The following TBC1D16 variants were observed in gnomAD, a reference collection of about 807,000 sequenced individuals.
TBC1D16 encodes the protein CTD-2529O21.1.
A neutral mutation model predicts 74.7 loss-of-function variants in TBC1D16; 58 were observed. That is an observed-to-expected ratio of 0.78 (90% CI 0.63 to 0.97). The LOEUF is 0.97. TBC1D16 is among the 50% of genes least tolerant of loss of function. TBC1D16 has a pLI of 0.00. For missense variants in TBC1D16, 1,014 were observed against 1,079.5 expected (o/e 0.94, Z 0.85); for synonymous variants, 493 against 474.7 (o/e 1.04, Z -0.50).
At chr17:79,995,698 T>C (rs919318594) in intron 3 of TBC1D16, among the ~76,000 whole-genome samples, 7 of 151,624 alleles carry the variant, frequency 4.6e-5, no homozygotes, top group African/African-American at 1.7e-4. Context: ...GGCAGGAGAA[T>C]GGCGTGAATC....
intron 3 of TBC1D16, among the ~76,000 whole-genome samples, chr17:79,963,496 A>G (rs190525453): frequency 1.1e-4 from 17 of 152,234 alleles, no homozygotes; most frequent in South Asian, 1.0e-3. Context: ...TCATCCACCA[A>G]TTGACGGGTT....
intron 1 of TBC1D16, among the ~76,000 whole-genome samples, chr17:80,030,094 G>T (rs1291732147): frequency 6.6e-6 from 1 of 152,096 alleles, no homozygotes; most frequent in Non-Finnish European, 1.5e-5. Context: ...AAGGTCAGCT[G>T]CTGAGCAACC....
chr17:79,962,691 T>G (rs191547071), intron 3 of TBC1D16, among the ~76,000 whole-genome samples: 6 of 151,914 alleles, frequency 3.9e-5, no homozygotes, highest in Non-Finnish European at 8.8e-5. Context: ...TCCAGCACTT[T>G]GGGAGGCTGA....
intron 4 of TBC1D16, chr17:79,952,057 G>C (rs1198218764): frequency 6.4e-6 from 1 of 156,376 alleles, no homozygotes; most frequent in Non-Finnish European, 1.4e-5. Context: ...CGTCAGTGCT[G>C]TCAGCCCAGC....
At chr17:80,015,870 G>T (rs1013532773) in intron 1 of TBC1D16, among the ~76,000 whole-genome samples, 4 of 152,052 alleles carry the variant, frequency 2.6e-5, no homozygotes, top group Admixed American at 2.0e-4. Context: ...AATTAGCCAG[G>T]TGTGGTGGCA....
intron 3 of TBC1D16, among the ~76,000 whole-genome samples, chr17:80,003,788 G>T (rs2144615653): frequency 6.6e-6 from 1 of 152,340 alleles, no homozygotes; most frequent in South Asian, 2.1e-4. Context: ...CGCGGCTCAT[G>T]CCTGTAATCC....
In TBC1D16 at chr17:79,944,092, A is replaced by T. The variant is rs928529800; in HGVS notation, c.1908+816T>A. The T allele has an allele frequency of 2.0e-6, 3 of 1,535,998 alleles. No individual in the cohort carries two copies. The highest frequency in any genetic ancestry group is 1.4e-5 in the African/African-American group (1 of 73,154). On this transcript the variant is annotated intron_variant, in intron 10 of 11. Transcript: ENST00000310924. The surrounding 1 kb of genome is among the most constrained non-coding windows in gnomAD (Gnocchi z 7.7). ...ACTCGGTGGCTTCAGACTCGCTTTC[A>T]TCAGACATCAGCCCCCTGCGGTGTG...
rs1428924415 is a variant in TBC1D16 at position 79,979,746 on chromosome 17, G to A, written c.780-26928C>T. Among the ~76,000 whole-genome samples, 2 of 151,746 alleles carry A rather than the reference G, an allele frequency of 1.3e-5. No individual in the cohort carries two copies. Among genetic ancestry groups the A allele is most frequent in the Non-Finnish European group, 2.9e-5 (2 of 67,976 alleles). ...CTCACTAGGAGCAGGAAAGGACCCT[G>A]GTCTCCCTTCACATCCACCAAAAGC... On this transcript the variant is annotated intron_variant, in intron 3 of 11. Transcript: ENST00000310924. The surrounding 1 kb of genome is among the most constrained non-coding windows in gnomAD (Gnocchi z 4.8).
In TBC1D16 at chr17:79,993,861, C is replaced by A. The variant is rs547274418; in HGVS notation, c.779+16299G>T. 8.0e-4 allele frequency among the ~76,000 whole-genome samples: 122 copies of A among 152,002 alleles called. No homozygotes were observed. Among genetic ancestry groups the A allele is most frequent in the Non-Finnish European group, 1.4e-3 (98 of 67,934 alleles). Reference sequence around the variant, plus strand: ...GTGTATTCAGAGCAGCTCAGCCCCTCGAGAGCACCAGGAGCCCCCAGCCCC... The same window carrying A: ...GTGTATTCAGAGCAGCTCAGCCCCTAGAGAGCACCAGGAGCCCCCAGCCCC... On this transcript the variant is annotated intron_variant, in intron 3 of 11. Transcript: ENST00000310924. The surrounding 1 kb of genome is among the most constrained non-coding windows in gnomAD (Gnocchi z 5.1).
chr17:79,941,664 T>C lies in TBC1D16; in HGVS notation c.2055+396A>G, dbSNP rs2032008689. ...GGGGGCCAAAGCCCAAGGTCCCCAGTATTCTGGCCACCCTGTCCCCAGGTC... is the reference window on the plus strand; with the variant it reads ...GGGGGCCAAAGCCCAAGGTCCCCAGCATTCTGGCCACCCTGTCCCCAGGTC... On this transcript the variant is annotated intron_variant, in intron 11 of 11. Transcript: ENST00000310924. This position sits in a 1 kb window ranked among gnomAD's most constrained non-coding sequence, Gnocchi z 4.3. 6.6e-6 allele frequency among the ~76,000 whole-genome samples: 1 copy of C among 152,080 alleles called. No individual in the cohort carries two copies. The highest frequency in any genetic ancestry group is 2.1e-4 in the South Asian group (1 of 4,828).
rs1288759993 is a variant in TBC1D16 at position 79,983,448 on chromosome 17, A to G, written c.779+26712T>C. Among the ~76,000 whole-genome samples, 1 of 152,204 alleles carries G rather than the reference A, an allele frequency of 6.6e-6. No homozygotes were observed. Among genetic ancestry groups the G allele is most frequent in the East Asian group, 1.9e-4 (1 of 5,196 alleles). On this transcript the variant is annotated intron_variant, in intron 3 of 11. Transcript: ENST00000310924. The surrounding 1 kb of genome is among the most constrained non-coding windows in gnomAD (Gnocchi z 5.6). Reference sequence around the variant, plus strand: ...CAGAGAAAAACCCAAACTAAACCACATGGTCATCAACAGGAGTGTGGACAA... The same window carrying G: ...CAGAGAAAAACCCAAACTAAACCACGTGGTCATCAACAGGAGTGTGGACAA...
At chr17:79,968,712 G>T (rs1247546103) in intron 3 of TBC1D16, among the ~76,000 whole-genome samples, 1 of 151,886 alleles carries the variant, frequency 6.6e-6, no homozygotes, top group African/African-American at 2.4e-5. Context: ...AATTAGCCGG[G>T]CATTGTGGCG....
intron 3 of TBC1D16, among the ~76,000 whole-genome samples, chr17:79,998,777 C>T (rs1027412179): frequency 6.6e-6 from 1 of 152,152 alleles, no homozygotes; most frequent in Non-Finnish European, 1.5e-5. Flanking sequence ...CACATCCACC[C>T]ACCACCACAG....
At chr17:79,946,786 C>T (rs140231737) in intron 9 of TBC1D16, among the ~76,000 whole-genome samples, 13 of 152,310 alleles carry the variant, frequency 8.5e-5, no homozygotes, top group Non-Finnish European at 1.2e-4. Context: ...TCTGCTCAGC[C>T]CAGCCTTAGC....
At chr17:79,984,254 A>T (rs1484650104) in intron 3 of TBC1D16, among the ~76,000 whole-genome samples, 1 of 152,130 alleles carries the variant, frequency 6.6e-6, no homozygotes, top group African/African-American at 2.4e-5. Context: ...TGATGCTCCC[A>T]CCTCAGTCTC....
intron 1 of TBC1D16, among the ~76,000 whole-genome samples, chr17:80,026,461 A>G (rs1434528173): frequency 6.7e-6 from 1 of 149,184 alleles, no homozygotes; most frequent in Admixed American, 6.6e-5. Flanking sequence ...GGGAGGGGGG[A>G]ATCTATTAGT....
rs1232082971 is a variant in TBC1D16 at position 79,971,109 on chromosome 17, A to G, written c.780-18291T>C. 2.6e-5 allele frequency among the ~76,000 whole-genome samples: 4 copies of G among 150,966 alleles called. No homozygotes were observed. Among genetic ancestry groups the G allele is most frequent in the Non-Finnish European group, 5.9e-5 (4 of 67,844 alleles). On this transcript the variant is annotated intron_variant, in intron 3 of 11. Transcript: ENST00000310924. The surrounding 1 kb of genome is among the most constrained non-coding windows in gnomAD (Gnocchi z 4.6). Reference sequence around the variant, plus strand: ...GCTATCTCGGCTCACTGCAACCTCCACCTCTCGGGTTCAAGGCATTCTCCT... The same window carrying G: ...GCTATCTCGGCTCACTGCAACCTCCGCCTCTCGGGTTCAAGGCATTCTCCT...
Position 79,942,085 on chromosome 17 carries a change from A to G in TBC1D16, c.2030T>C (p.Met677Thr). The change falls in exon 11 of 12, where the codon ATG (methionine) becomes ACG (threonine). Residue 677 changes from methionine to threonine, a missense_variant. By Grantham distance (81) the Met-to-Thr change is moderately conservative. Coordinates refer to ENST00000310924, the MANE Select transcript of TBC1D16 (RefSeq NM_019020.4). ...CTTCCGGAGAACGAGCTCCCCGTTC[A>G]TGTGCATGGCCAGGTTTCCGAAGTG... ...LLHFGNLAMH[M>T]NGELVLRKAR... 6.2e-7 allele frequency: 1 copy of G among 1,612,428 alleles called. No homozygotes were observed. The highest frequency in any genetic ancestry group is 8.5e-7 in the Non-Finnish European group (1 of 1,179,778).
intron 3 of TBC1D16, among the ~76,000 whole-genome samples, chr17:79,968,139 T>C (rs113156414): frequency 0.019 from 2,952 of 152,256 alleles, 107 homozygotes; most frequent in African/African-American, 0.065. Flanking sequence ...ATTACAGGCG[T>C]GCGCCACCAT....
Sources: gnomAD v4.1 joint callset for allele counts (sites outside exome capture counted in the v4.1 genomes callset) on GRCh38, gnomAD v4.1.1 for gene constraint, Gnocchi (gnomAD v3.1) non-coding constraint, MANE v1.5 for transcripts, NCBI Gene and HGNC (gene_info 2026-07-23, HGNC 2026-07-21) for gene names.